ADGRF5: variants seen among roughly 807,000 people sequenced by gnomAD.
The protein encoded by ADGRF5 is G-protein coupled receptor 116.
A neutral mutation model predicts 132.3 loss-of-function variants in ADGRF5; 75 were observed. The ratio of observed to expected loss-of-function variants is 0.57; its 90% confidence interval spans 0.47 to 0.69. The LOEUF is 0.69. Ranked by LOEUF, ADGRF5 falls within the 30% of genes least tolerant of loss-of-function variation. The pLI is 0.00. For missense variants in ADGRF5, 1,516 were observed against 1,630.6 expected, an observed-to-expected ratio of 0.93 and a Z score of 1.21; for synonymous variants, 629 against 597.6, an observed-to-expected ratio of 1.05 and a Z score of -0.77.
At chr6:46,923,513 T>C (rs1421124647), upstream of ADGRF5, among the ~76,000 whole-genome samples, 1 of 152,182 alleles carries the variant, frequency 6.6e-6, no homozygotes, top group Non-Finnish European at 1.5e-5. Flanking sequence ...TTCTAGATAA[T>C]GATTCTCAAC....
rs1225783275 is a variant in ADGRF5, at chr6:46,858,901, G to C, written c.3002C>G (p.Ser1001Cys). Reference sequence around the variant, plus strand: ...TCCCAGGAGAGAACTAGGATCTGGGGAGTCAGGGGACATGAGGATGGAGAA... The same window carrying C: ...TCCCAGGAGAGAACTAGGATCTGGGCAGTCAGGGGACATGAGGATGGAGAA... ...TSFSILMSPD[S>C]PDPSSLLGIL... The change falls in exon 17 of 21, where the codon TCC becomes TGC. Residue 1001 changes from serine to cysteine, a missense_variant. Physicochemically the swap from Ser to Cys is moderately radical, Grantham distance 112. Transcript: ENST00000283296. The C allele has an allele frequency of 1.9e-6, 3 of 1,613,942 alleles. No individual in the cohort carries two copies. Among genetic ancestry groups the C allele is most frequent in the South Asian group, 1.1e-5 (1 of 91,078 alleles).
Position 46,877,232 on chromosome 6 carries a change from T to TTTCC in ADGRF5, c.1240+969_1240+970insGGAA, listed in dbSNP as rs1327104189. On this transcript the variant is annotated intron_variant, in intron 10 of 20. Transcript: ENST00000283296. The stretch of plus-strand genomic sequence containing the variant: ...AGTCCTAATTTATTTCCTCTCTTTC[T>TTTCC]TTCTTTCTTTCTTTCTTTCTTTCTT... Among the ~76,000 whole-genome samples the TTTCC allele has an allele frequency of 2.5e-4, 6 of 24,140 alleles. No homozygotes were observed. The East Asian group carries it at 4.8e-3, about 19-fold the overall frequency. The allele number at this position is 24,140 out of a possible 152,430, so 15.8% of individuals were successfully genotyped here.
chr6:46,913,351 C>T (rs1257315802), intron 1 of ADGRF5, among the ~76,000 whole-genome samples: 1 of 152,084 alleles, frequency 6.6e-6, no homozygotes, highest in Non-Finnish European at 1.5e-5. Flanking sequence ...ATACAAAAAT[C>T]AGCCAGGCAT....
intron 1 of ADGRF5, among the ~76,000 whole-genome samples, chr6:46,939,287 G>A (rs1777967580): frequency 6.6e-6 from 1 of 152,196 alleles, no homozygotes; most frequent in African/African-American, 2.4e-5. Context: ...TGAGTGGCCA[G>A]TTTCAGGGTA....
chr6:46,880,288 G>T (rs1772306564), intron 8 of ADGRF5, among the ~76,000 whole-genome samples: 1 of 152,022 alleles, frequency 6.6e-6, no homozygotes, highest in Admixed American at 6.6e-5. Context: ...CTCCTTAACG[G>T]CAGTAATGGA....
At chr6:46,942,820 G>A (rs1487730448) in intron 1 of ADGRF5, among the ~76,000 whole-genome samples, 1 of 151,944 alleles carries the variant, frequency 6.6e-6, no homozygotes, top group Non-Finnish European at 1.5e-5. Context: ...CAAGTCCACA[G>A]CTGAGATCCC....
intron 3 of ADGRF5, among the ~76,000 whole-genome samples, chr6:46,894,306 T>C (rs1773955062): frequency 6.6e-6 from 1 of 152,204 alleles, no homozygotes; most frequent in African/African-American, 2.4e-5. Context: ...TCATTCTCTC[T>C]TCAGGTTTCA....
chr6:46,871,996 T>C lies in ADGRF5; in HGVS notation c.1258A>G (p.Ile420Val). Residue 420 changes from isoleucine to valine, a missense_variant, in exon 11 of 21, where the codon ATA becomes GTA. Physicochemically the swap from Ile to Val is conservative, Grantham distance 29. This residue lies in a region of ADGRF5 where 945 missense variants were observed against 929.4 expected (regional missense o/e 1.02). Transcript: ENST00000283296. Reference protein sequence around the residue: ...INIPGTPETDIDSSCSRYTLK... With the variant: ...INIPGTPETDVDSSCSRYTLK... ...GTGTATCTGCTGCAGCTAGAATCTA[T>C]GTCTGTCTCAGGGGTTCCTATAATG... 6.2e-7 allele frequency: 1 copy of C among 1,607,444 alleles called. No individual in the cohort carries two copies. The highest frequency in any genetic ancestry group is 8.5e-7 in the Non-Finnish European group (1 of 1,175,214).
At chr6:46,885,495 G>A (rs547822693) in intron 4 of ADGRF5, among the ~76,000 whole-genome samples, 105 of 152,154 alleles carry the variant, frequency 6.9e-4, no homozygotes, top group Non-Finnish European at 1.3e-3. Flanking sequence ...TCCCGCACTC[G>A]CAGAGAAAAA....
chr6:46,857,951 T>C (rs1322807628), intron 17 of ADGRF5, among the ~76,000 whole-genome samples, 178 bp downstream of exon 17: 5 of 152,322 alleles, frequency 3.3e-5, no homozygotes, highest in South Asian at 2.1e-4. Context: ...TGAGGTGCCA[T>C]AGGATCAGAA....
At chr6:46,896,841 C>T (rs1774233006) in intron 3 of ADGRF5, among the ~76,000 whole-genome samples, 2 of 151,820 alleles carry the variant, frequency 1.3e-5, no homozygotes, top group Non-Finnish European at 2.9e-5. Context: ...CATGTACAGC[C>T]TTTTTTTCAT....
At chr6:46,859,839 A>ATTTTATTTTT (rs1481339953) in intron 16 of ADGRF5, among the ~76,000 whole-genome samples, 34 of 151,650 alleles carry the variant, frequency 2.2e-4, no homozygotes, top group Admixed American at 2.2e-3. Context: ...ATTTTATTTT[A>ATTTTATTTTT]TTTTATTTTA....
intron 1 of ADGRF5, among the ~76,000 whole-genome samples, chr6:46,916,513 G>A (rs867339120): frequency 3.3e-5 from 5 of 152,112 alleles, no homozygotes; most frequent in Admixed American, 1.3e-4. Context: ...GCCCCTCATC[G>A]GTTTGGATAT....
intron 11 of ADGRF5, chr6:46,870,963 T>C (rs1770987141): frequency 4.0e-6 from 1 of 247,694 alleles, no homozygotes; most frequent in East Asian, 1.3e-4. Context: ...CCTGTAGATA[T>C]ATGATTATTA....
At chr6:46,874,154 A>G (rs965031107) in intron 10 of ADGRF5, among the ~76,000 whole-genome samples, 1 of 152,190 alleles carries the variant, frequency 6.6e-6, no homozygotes, top group East Asian at 1.9e-4. Context: ...CATTGCCTAC[A>G]GAATACAGTA....
intron 3 of ADGRF5, among the ~76,000 whole-genome samples, chr6:46,895,969 T>C (rs1015833335): frequency 6.6e-6 from 1 of 152,102 alleles, no homozygotes; most frequent in Admixed American, 6.5e-5. Context: ...ACAGGGATTA[T>C]TGCTGTCCTT....
rs1554131433 is a variant in ADGRF5, at chr6:46,953,665, A to ATCTATATATATATATC, written c.-25+1068_-25+1069insGATATATATATATAGA. 4.1e-4 allele frequency among the ~76,000 whole-genome samples: 54 copies of ATCTATATATATATATC among 131,410 alleles called. 2 individuals are homozygous for ATCTATATATATATATC. The highest frequency in any genetic ancestry group is 1.6e-3 in the African/African-American group (52 of 32,704). The allele number at this position is 131,410 out of a possible 152,430, so 86.2% of individuals were successfully genotyped here. ...TAGATATATGTGTATATATATATAT[A>ATCTATATATATATATC]TATATATATATATATATATATATAT... On this transcript the variant is annotated intron_variant, in intron 1 of 20. Transcript: ENST00000265417.
intron 1 of ADGRF5, among the ~76,000 whole-genome samples, chr6:46,928,982 C>T (rs1654244973): frequency 6.6e-6 from 1 of 152,114 alleles, no homozygotes; most frequent in African/African-American, 2.4e-5. Context: ...CCCAGCCATC[C>T]CATTACTGGG....
chr6:46,908,366 C>G (rs1447450181), intron 1 of ADGRF5, among the ~76,000 whole-genome samples: 1 of 152,022 alleles, frequency 6.6e-6, no homozygotes, highest in African/African-American at 2.4e-5. Context: ...CAGAATGAGT[C>G]AGGTATTTAG....
Sources: allele counts gnomAD v4.1 joint callset (sites outside exome capture counted in the v4.1 genomes callset), GRCh38; gene constraint gnomAD v4.1.1; regional missense constraint gnomAD v4.1.1; transcripts MANE v1.5; gene names NCBI Gene and HGNC (gene_info 2026-07-23, HGNC 2026-07-21).